The following CDH13 variants were observed in gnomAD, a reference collection of about 807,000 sequenced individuals.
CDH13 encodes cadherin 13.
CDH13 carries 24 observed loss-of-function variants against 63.8 expected under a neutral mutation model. The observed-to-expected ratio is 0.38, with a 90% confidence interval of 0.27 to 0.53. The LOEUF is 0.53. CDH13 is among the 20% of genes least tolerant of loss of function. CDH13 has a pLI of 0.85. For missense variants in CDH13, 1,049 were observed against 903.1 expected (o/e 1.16, Z -2.07); for synonymous variants, 503 against 355.3 (o/e 1.42, Z -4.67).
At chr16:82,908,634 A>T (rs1206604024) in intron 2 of CDH13, among the ~76,000 whole-genome samples, 1 of 152,190 alleles carries the variant, frequency 6.6e-6, no homozygotes, top group African/African-American at 2.4e-5. Flanking sequence ...GGCAACCAAC[A>T]TTATTAGTTT....
At chr16:83,525,665 G>C (rs899614779) in intron 7 of CDH13, among the ~76,000 whole-genome samples, 2 of 152,158 alleles carry the variant, frequency 1.3e-5, no homozygotes, top group Admixed American at 6.5e-5. Context: ...CAGAAGCTGG[G>C]ACTATGTTGC....
At chr16:83,532,620 C>T (rs1045852185) in intron 7 of CDH13, among the ~76,000 whole-genome samples, 1 of 152,224 alleles carries the variant, frequency 6.6e-6, no homozygotes, top group African/African-American at 2.4e-5. Flanking sequence ...CTCAAGTAGC[C>T]TATCAGCTCC....
intron 1 of CDH13, among the ~76,000 whole-genome samples, chr16:82,639,189 TC>T (rs1471511822): frequency 1.3e-5 from 2 of 152,178 alleles, no homozygotes; most frequent in Non-Finnish European, 2.9e-5. Context: ...GTTCTCTACC[TC>T]CCTTAAAGTC....
At chr16:82,959,774 C>A (rs927165970) in intron 2 of CDH13, among the ~76,000 whole-genome samples, 1 of 152,142 alleles carries the variant, frequency 6.6e-6, no homozygotes, top group South Asian at 2.1e-4. Flanking sequence ...CATGGATGTA[C>A]CACACGGTTG....
At chr16:83,566,280 T>A (rs1423698863) in intron 7 of CDH13, among the ~76,000 whole-genome samples, 1 of 152,166 alleles carries the variant, frequency 6.6e-6, no homozygotes, top group Non-Finnish European at 1.5e-5. Context: ...GGAAGGACTG[T>A]TCTTCCCTTT....
intron 3 of CDH13, among the ~76,000 whole-genome samples, chr16:83,076,084 G>C (rs1472644550): frequency 6.6e-6 from 1 of 152,050 alleles, no homozygotes; most frequent in Non-Finnish European, 1.5e-5. Context: ...CAGACATCCT[G>C]CCTGATGAAC....
At chr16:82,845,440 T>C (rs1027565193) in intron 1 of CDH13, among the ~76,000 whole-genome samples, 3 of 152,234 alleles carry the variant, frequency 2.0e-5, no homozygotes, top group Non-Finnish European at 4.4e-5. Context: ...CTGACTTCTT[T>C]AGAAACTCAT....
At chr16:82,658,187 T>A (rs970135464) in intron 1 of CDH13, among the ~76,000 whole-genome samples, 2 of 152,232 alleles carry the variant, frequency 1.3e-5, no homozygotes, top group Non-Finnish European at 2.9e-5. Flanking sequence ...GATATGTGCA[T>A]ATGAGCCTCC....
intron 1 of CDH13, among the ~76,000 whole-genome samples, chr16:82,842,514 T>G (rs1423745001): frequency 1.3e-5 from 2 of 151,998 alleles, no homozygotes; most frequent in African/African-American, 2.4e-5. Flanking sequence ...CTTTCTCCAG[T>G]GACCTTACTC....
intron 8 of CDH13, among the ~76,000 whole-genome samples, chr16:83,664,548 A>ATG (rs199808633): frequency 7.0e-4 from 95 of 135,766 alleles, no homozygotes; most frequent in Admixed American, 3.0e-3. Flanking sequence ...CATATTATAT[A>ATG]TGTGTGTATA....
Position 83,032,095 on chromosome 16 carries a change from A to C in CDH13, c.243A>C (p.Leu81Phe). 6.2e-7 allele frequency: 1 copy of C among 1,613,162 alleles called. No individual in the cohort carries two copies. Among genetic ancestry groups the C allele is most frequent in the Non-Finnish European group, 8.5e-7 (1 of 1,179,594 alleles). ...PYFKVNSDGGLVALRNITAVG... is the reference protein window; with the variant it reads ...PYFKVNSDGGFVALRNITAVG... ...TCAAGGTGAACAGCGATGGCGGCTT[A>C]GTTGCTCTGAGAAACATAACTGCAG... The change falls in exon 3 of 14, where the codon TTA becomes TTC. Residue 81 changes from leucine to phenylalanine, a missense_variant. Physicochemically the swap from Leu to Phe is conservative, Grantham distance 22 (BLOSUM62 0). Transcript: ENST00000567109.
intron 10 of CDH13, among the ~76,000 whole-genome samples, chr16:83,729,961 G>A (rs991191246): frequency 9.9e-5 from 15 of 152,196 alleles, no homozygotes; most frequent in Non-Finnish European, 1.5e-4. Context: ...AGTCATTACC[G>A]TGCTTGTGAG....
At chr16:83,318,956 TATAATA>T (rs573415834) in intron 5 of CDH13, among the ~76,000 whole-genome samples, 1 of 151,402 alleles carries the variant, frequency 6.6e-6, no homozygotes, top group Non-Finnish European at 1.5e-5. Context: ...AAAGCAAAAA[TATAATA>T]ATAATAATTC....
intron 5 of CDH13, among the ~76,000 whole-genome samples, chr16:83,235,956 C>T (rs1723545102): frequency 2.0e-5 from 3 of 152,186 alleles, no homozygotes; most frequent in South Asian, 2.1e-4. Flanking sequence ...GAGTTGTTAC[C>T]ATTTGACTGC....
At chr16:83,458,801 G>A (rs2073091791) in intron 6 of CDH13, among the ~76,000 whole-genome samples, 1 of 152,118 alleles carries the variant, frequency 6.6e-6, no homozygotes, top group Admixed American at 6.5e-5. Context: ...CTGATCGTGG[G>A]CCACAGCACC....
intron 5 of CDH13, among the ~76,000 whole-genome samples, chr16:83,233,698 C>A (rs1208683003): frequency 6.6e-6 from 1 of 152,216 alleles, no homozygotes; most frequent in African/African-American, 2.4e-5. Context: ...CTCCCATCCC[C>A]AGCCCTCTTT....
chr16:82,665,863 T>A (rs1912522259), intron 1 of CDH13, among the ~76,000 whole-genome samples: 1 of 152,190 alleles, frequency 6.6e-6, no homozygotes. Flanking sequence ...AAGCCCATTT[T>A]ATAATGAAGT....
At chr16:82,919,144 T>A (rs1016134014) in intron 2 of CDH13, among the ~76,000 whole-genome samples, 1 of 152,210 alleles carries the variant, frequency 6.6e-6, no homozygotes, top group Admixed American at 6.5e-5. Flanking sequence ...ATATTCCAAA[T>A]GTGTTTTTTA....
At chr16:82,662,441 A>C (rs1207680220) in intron 1 of CDH13, among the ~76,000 whole-genome samples, 2 of 152,238 alleles carry the variant, frequency 1.3e-5, no homozygotes, top group African/African-American at 4.8e-5. Context: ...AAAACTGATG[A>C]AAATGATTGA....
Sources: gnomAD v4.1 joint callset for allele counts (sites outside exome capture counted in the v4.1 genomes callset) on GRCh38, gnomAD v4.1.1 for gene constraint, MANE v1.5 for transcripts, NCBI Gene and HGNC (gene_info 2026-07-23, HGNC 2026-07-21) for gene names.